Variants in ARHGAP10 observed in about 807,000 individuals in gnomAD.
The protein encoded by ARHGAP10 is rho GTPase-activating protein 10.
A neutral mutation model predicts 108.6 loss-of-function variants in ARHGAP10; 87 were observed. That is an observed-to-expected ratio of 0.80 (90% confidence interval 0.67 to 0.96). ARHGAP10 has a LOEUF of 0.96. Among genes scored for constraint, ARHGAP10 ranks in the 40% least tolerant of loss-of-function variants. ARHGAP10 has a pLI of 0.00. For synonymous variants in ARHGAP10, 347 were observed against 341.1 expected (o/e 1.02, Z -0.19); for missense variants, 939 against 954.5 (o/e 0.98, Z 0.21).
chr4:147,954,933 A>G (rs1738732738), intron 15 of ARHGAP10, among the ~76,000 whole-genome samples: 2 of 152,096 alleles, frequency 1.3e-5, no homozygotes, highest in Admixed American at 1.3e-4. Flanking sequence ...TTCAGCTAAT[A>G]TCTTAGAGAT....
At chr4:147,992,195 C>T (rs974332051) in intron 18 of ARHGAP10, among the ~76,000 whole-genome samples, 2 of 152,122 alleles carry the variant, frequency 1.3e-5, no homozygotes, top group Non-Finnish European at 1.5e-5. Flanking sequence ...TGTGAGCTTT[C>T]TTTCTCCTTC....
chr4:147,994,534 G>T (rs1369918384), intron 18 of ARHGAP10, among the ~76,000 whole-genome samples: 1 of 152,186 alleles, frequency 6.6e-6, no homozygotes, highest in Admixed American at 6.5e-5. Flanking sequence ...CTTTGTGAAT[G>T]ATACTAATTC....
intron 1 of ARHGAP10, among the ~76,000 whole-genome samples, chr4:147,820,938 G>A (rs903459350): frequency 1.3e-5 from 2 of 152,020 alleles, no homozygotes; most frequent in South Asian, 2.1e-4. Context: ...TTCTTTATCA[G>A]TTATCTTTTC....
chr4:148,050,563 CG>C (rs1008280530), intron 20 of ARHGAP10, among the ~76,000 whole-genome samples: 4 of 151,522 alleles, frequency 2.6e-5, no homozygotes, highest in Non-Finnish European at 5.9e-5. Flanking sequence ...TTAGTAGAGA[CG>C]GGGTTTCACT....
intron 18 of ARHGAP10, among the ~76,000 whole-genome samples, chr4:147,988,144 A>T (rs1400883948): frequency 6.6e-6 from 1 of 151,882 alleles, no homozygotes; most frequent in African/African-American, 2.4e-5. Flanking sequence ...TCTTAGGCCC[A>T]GTCCTTAGGA....
intron 13 of ARHGAP10, among the ~76,000 whole-genome samples, chr4:147,918,082 A>G (rs1366790716): frequency 6.6e-6 from 1 of 152,002 alleles, no homozygotes. Context: ...TTATTTAAAT[A>G]CACTGGATTT....
At chr4:147,892,589 GC>G (rs1735830138) in intron 10 of ARHGAP10, among the ~76,000 whole-genome samples, 1 of 8,700 alleles carries the variant, frequency 1.1e-4, no homozygotes, top group African/African-American at 2.0e-4. Flanking sequence ...TGTGGGGTTG[GC>G]TGGGAGTGTG....
intron 19 of ARHGAP10, among the ~76,000 whole-genome samples, chr4:148,037,873 C>T (rs1287325354): frequency 6.6e-6 from 1 of 151,418 alleles, no homozygotes; most frequent in Non-Finnish European, 1.5e-5. Flanking sequence ...TCAGCTATAT[C>T]CTTTGATCTC....
chr4:147,761,543 T>C (rs973205468), intron 1 of ARHGAP10, among the ~76,000 whole-genome samples: 3 of 152,178 alleles, frequency 2.0e-5, no homozygotes, highest in African/African-American at 7.2e-5. Flanking sequence ...AAACTTGATA[T>C]TTGAATTTAT....
intron 7 of ARHGAP10, among the ~76,000 whole-genome samples, chr4:147,872,164 G>T (rs60691462): frequency 0.01 from 1,544 of 151,826 alleles, 30 homozygotes; most frequent in African/African-American, 0.036. Context: ...GAGGAAGTTG[G>T]GTGGTGAGGG....
intron 16 of ARHGAP10, among the ~76,000 whole-genome samples, chr4:147,960,756 A>T (rs1399757127): frequency 2.0e-5 from 3 of 152,214 alleles, no homozygotes; most frequent in Non-Finnish European, 4.4e-5. Flanking sequence ...ATCCACTCCC[A>T]TGAAGTGTGA....
intron 4 of ARHGAP10, among the ~76,000 whole-genome samples, chr4:147,855,476 A>G (rs953254414): frequency 1.3e-5 from 2 of 152,236 alleles, no homozygotes; most frequent in African/African-American, 4.8e-5. Flanking sequence ...CGTAAAGAAA[A>G]ATAAAGTCTT....
intron 1 of ARHGAP10, among the ~76,000 whole-genome samples, chr4:147,738,560 CA>C (rs902447610): frequency 5.3e-5 from 8 of 150,076 alleles, no homozygotes; most frequent in African/African-American, 1.5e-4. Context: ...CTCCCCCCCC[CA>C]AAAAAAATTA....
intron 1 of ARHGAP10, among the ~76,000 whole-genome samples, chr4:147,754,538 A>G (rs545722041): frequency 6.6e-6 from 1 of 152,264 alleles, no homozygotes; most frequent in East Asian, 1.9e-4. Flanking sequence ...GGGTTGTTAG[A>G]AATTTAGTTC....
At position 147,906,762 on chromosome 4, in the gene ARHGAP10, A is replaced by T. The variant is rs199714695; in HGVS notation, c.1116+43A>T. On this transcript the variant is annotated intron_variant, in intron 11 of 22. Coordinates refer to ENST00000336498, the MANE Select transcript of ARHGAP10 (RefSeq NM_024605.4). ...TTGAGTTTTATTTCAAAGCCTTTAG[A>T]GTTGACTTGCATTCATTTTTATGTT... 3.1e-6 allele frequency: 5 copies of T among 1,601,698 alleles called. No individual in the cohort carries two copies. In the East Asian group the frequency reaches 1.1e-4, roughly 36 times the overall value.
At chr4:147,754,954 C>T (rs964240433) in intron 1 of ARHGAP10, among the ~76,000 whole-genome samples, 2 of 151,788 alleles carry the variant, frequency 1.3e-5, no homozygotes, top group South Asian at 4.2e-4. Context: ...AATTAGCGGA[C>T]GCCTATAGTC....
At chr4:148,003,354 G>C (rs1740809087) in intron 18 of ARHGAP10, among the ~76,000 whole-genome samples, 1 of 152,182 alleles carries the variant, frequency 6.6e-6, no homozygotes, top group Non-Finnish European at 1.5e-5. Context: ...CAGTTTTGGA[G>C]GAAGTGTGAT....
intron 7 of ARHGAP10, among the ~76,000 whole-genome samples, chr4:147,871,944 T>C (rs1347736343): frequency 6.6e-6 from 1 of 151,366 alleles, no homozygotes; most frequent in Admixed American, 6.6e-5. Flanking sequence ...CCACAAAAAA[T>C]AGAGAAAAAT....
At chr4:147,784,671 TATATTA>T (rs1560756455) in intron 1 of ARHGAP10, among the ~76,000 whole-genome samples, 1 of 80,030 alleles carries the variant, frequency 1.2e-5, no homozygotes, top group Non-Finnish European at 1.9e-5. Context: ...ATATATATTA[TATATTA>T]TAAATATAAA....
Sources: gnomAD v4.1 joint callset for allele counts (sites outside exome capture counted in the v4.1 genomes callset) on GRCh38, gnomAD v4.1.1 for gene constraint, MANE v1.5 for transcripts, NCBI Gene and HGNC (gene_info 2026-07-23, HGNC 2026-07-21) for gene names.